The following BLOC1S5 variants were observed in gnomAD, a reference collection of about 807,000 sequenced individuals.
BLOC1S5 encodes the protein biogenesis of lysosome-related organelles complex 1 subunit 5.
Under a neutral mutation model 24.3 loss-of-function variants are expected in BLOC1S5, and 27 were observed. That is an observed-to-expected ratio of 1.11 (90% CI 0.82 to 1.53). The LOEUF is 1.53. Ranked by LOEUF, BLOC1S5 falls within the 40% of genes most tolerant of loss-of-function variation. BLOC1S5 has a pLI of 0.00. For missense variants in BLOC1S5, 239 were observed against 229.4 expected (o/e 1.04, Z -0.27); for synonymous variants, 84 against 74.5 (o/e 1.13, Z -0.66).
chr6:8,060,999 A>AT (rs1764491738), intron 2 of BLOC1S5, among the ~76,000 whole-genome samples: 1 of 152,022 alleles, frequency 6.6e-6, no homozygotes, highest in South Asian at 2.1e-4. Flanking sequence ...TAATTTTTGT[A>AT]TTTTTTTAAG....
intron 3 of BLOC1S5, among the ~76,000 whole-genome samples, chr6:8,030,929 T>C (rs1424923421): frequency 6.7e-6 from 1 of 149,070 alleles, no homozygotes; most frequent in Non-Finnish European, 1.5e-5. Context: ...AAATCCAGCA[T>C]CACTTTATGA....
intron 3 of BLOC1S5, among the ~76,000 whole-genome samples, chr6:8,038,256 A>G (rs1311406404): frequency 6.6e-6 from 1 of 152,238 alleles, no homozygotes; most frequent in Admixed American, 6.5e-5. Context: ...TATTCATCTG[A>G]CAACAGATTA....
intron 3 of BLOC1S5, among the ~76,000 whole-genome samples, chr6:8,031,964 C>A (rs1352222956): frequency 6.6e-6 from 1 of 152,160 alleles, no homozygotes; most frequent in Non-Finnish European, 1.5e-5. Flanking sequence ...ATGTAAAAAT[C>A]AACTCAAGAT....
chr6:8,019,887 TTA>T (rs1287111838), intron 4 of BLOC1S5, among the ~76,000 whole-genome samples: 3 of 152,064 alleles, frequency 2.0e-5, no homozygotes, highest in African/African-American at 7.2e-5. Flanking sequence ...AAGTCACAAG[TTA>T]GAAAATGAAA....
rs140675160 is a variant in BLOC1S5, at chr6:8,064,352, G to C, written c.25C>G (p.Pro9Ala). MSGGGTET[P>A]VGCEAAPGGG... ...CCCGGGGCGGCCTCACAACCCACAG[G>C]GGTCTCTGTCCCTCCGCCACTCATC... Residue 9 changes from proline (P) to alanine (A), a missense_variant, in exon 1 of 5, where the codon CCT becomes GCT. By Grantham distance (27) the Pro-to-Ala change is conservative. Transcript: ENST00000397457. 1 of 1,611,900 alleles carries C rather than the reference G, an allele frequency of 6.2e-7. No homozygotes were observed. Among genetic ancestry groups the C allele is most frequent in the Non-Finnish European group, 8.5e-7 (1 of 1,179,830 alleles).
intron 3 of BLOC1S5, among the ~76,000 whole-genome samples, chr6:8,032,726 C>A (rs1763346566): frequency 6.6e-6 from 1 of 152,140 alleles, no homozygotes; most frequent in South Asian, 2.1e-4. Flanking sequence ...ATTTAGAAAA[C>A]CCCATCGTCT....
intron 2 of BLOC1S5, among the ~76,000 whole-genome samples, chr6:8,048,526 T>C (rs187010331): frequency 6.6e-6 from 1 of 151,882 alleles, no homozygotes; most frequent in East Asian, 1.9e-4. Context: ...TTCTGTCTTA[T>C]CTGTTTCTTT....
intron 3 of BLOC1S5, among the ~76,000 whole-genome samples, chr6:8,034,563 A>C (rs1413764325): frequency 6.6e-6 from 1 of 152,222 alleles, no homozygotes; most frequent in Admixed American, 6.5e-5. Context: ...AACATGGCAC[A>C]TATATACCTA....
chr6:8,039,682 G>A (rs963687781), intron 3 of BLOC1S5, among the ~76,000 whole-genome samples: 2 of 151,946 alleles, frequency 1.3e-5, no homozygotes, highest in African/African-American at 2.4e-5. Context: ...GATTTTGGCC[G>A]AATGCTCACT....
At position 8,015,075 on chromosome 6, in the gene BLOC1S5, G is replaced by A. The variant is rs1762689202; in HGVS notation, c.*574C>T. The A allele has an allele frequency of 6.5e-6, 1 of 152,676 alleles. No homozygotes were observed. The highest frequency in any genetic ancestry group is 1.5e-5 in the Non-Finnish European group (1 of 68,098). The allele number at this position is 152,676 out of a possible 1,614,324, so 9.5% of individuals were successfully genotyped here. On this transcript the variant is annotated 3_prime_UTR_variant, in exon 5 of 5. Coordinates refer to ENST00000397457, the MANE Select transcript of BLOC1S5 (RefSeq NM_201280.3). Reference sequence around the variant, plus strand: ...TAAAATATGCAACGCTTCCCAAGAGGCAGCTCAAACACCAGCGTGGCCATC... The same window carrying A: ...TAAAATATGCAACGCTTCCCAAGAGACAGCTCAAACACCAGCGTGGCCATC...
intron 2 of BLOC1S5, among the ~76,000 whole-genome samples, chr6:8,042,872 C>G (rs1325654423): frequency 6.6e-6 from 1 of 152,170 alleles, no homozygotes; most frequent in Non-Finnish European, 1.5e-5. Context: ...CCCTGGACTC[C>G]TAGGCTCAGG....
At chr6:8,039,240 G>C (rs1335699064) in intron 3 of BLOC1S5, among the ~76,000 whole-genome samples, 31 of 152,182 alleles carry the variant, frequency 2.0e-4, no homozygotes, top group Admixed American at 2.0e-3. Flanking sequence ...TAAAGAAATG[G>C]ATCTCATGAA....
intron 2 of BLOC1S5, among the ~76,000 whole-genome samples, chr6:8,056,884 A>T (rs909185304): frequency 4.6e-5 from 7 of 152,226 alleles, no homozygotes; most frequent in Admixed American, 3.3e-4. Flanking sequence ...GTGAATTAGT[A>T]GCCATAGCTC....
intron 2 of BLOC1S5, among the ~76,000 whole-genome samples, chr6:8,047,160 T>TCTCTCTCTCTCTCACA (rs1475934039): frequency 7.9e-6 from 1 of 126,918 alleles, no homozygotes; most frequent in Non-Finnish European, 1.6e-5. Context: ...TCTCTCTCTC[T>TCTCTCTCTCTCTCACA]CACACACACA....
chr6:8,025,702 G>A (rs190325037), intron 4 of BLOC1S5, among the ~76,000 whole-genome samples: 7 of 152,084 alleles, frequency 4.6e-5, no homozygotes, highest in African/African-American at 1.2e-4. Context: ...AACATTTGTC[G>A]ATACACACAC....
intron 2 of BLOC1S5, among the ~76,000 whole-genome samples, chr6:8,049,231 C>T (rs910159385): frequency 6.6e-6 from 1 of 151,886 alleles, no homozygotes; most frequent in African/African-American, 2.4e-5. Flanking sequence ...ATTAGCCGGG[C>T]GTGGTGGCAG....
chr6:8,021,955 G>A (rs1455931339), intron 4 of BLOC1S5, among the ~76,000 whole-genome samples: 3 of 152,166 alleles, frequency 2.0e-5, no homozygotes, highest in African/African-American at 7.2e-5. Flanking sequence ...AGTTACAACA[G>A]AGAAAGAAAT....
intron 4 of BLOC1S5, among the ~76,000 whole-genome samples, chr6:8,025,688 C>T (rs1273618559): frequency 6.6e-6 from 1 of 152,042 alleles, no homozygotes; most frequent in Non-Finnish European, 1.5e-5. Flanking sequence ...TAAATGGAGA[C>T]AGTAACATTT....
chr6:8,024,507 TC>T (rs1003900836), intron 4 of BLOC1S5, among the ~76,000 whole-genome samples: 2 of 96,020 alleles, frequency 2.1e-5, no homozygotes, highest in African/African-American at 8.0e-5. Flanking sequence ...GGAGTGAGAC[TC>T]CATCTCAAAA....
Sources: gnomAD v4.1 joint callset for allele counts (sites outside exome capture counted in the v4.1 genomes callset) on GRCh38, gnomAD v4.1.1 for gene constraint, MANE v1.5 for transcripts, NCBI Gene and HGNC (gene_info 2026-07-23, HGNC 2026-07-21) for gene names.